The following CACNA1A variants were observed in gnomAD, a reference collection of about 807,000 sequenced individuals.
The protein encoded by CACNA1A is voltage-dependent P/Q-type calcium channel subunit alpha-1A.
A neutral mutation model predicts 262.4 loss-of-function variants in CACNA1A; 57 were observed. The observed-to-expected ratio is 0.22, with a 90% CI of 0.18 to 0.27. The LOEUF is 0.27. CACNA1A is among the 10% of genes least tolerant of loss of function. The pLI is 1.00. For missense variants in CACNA1A, 2,526 were observed against 3,562.8 expected, an observed-to-expected ratio of 0.71 and a Z score of 7.41; for synonymous variants, 1,431 against 1,419.3, an observed-to-expected ratio of 1.01 and a Z score of -0.18.
chr19:13,455,936 G>A (rs940575037), intron 1 of CACNA1A, among the ~76,000 whole-genome samples: 7 of 150,906 alleles, frequency 4.6e-5, no homozygotes, highest in African/African-American at 7.3e-5. Flanking sequence ...GATCACTTGC[G>A]GTCAGGACTT....
At chr19:13,358,672 G>A (rs2059049394) in intron 6 of CACNA1A, among the ~76,000 whole-genome samples, 1 of 152,132 alleles carries the variant, frequency 6.6e-6, no homozygotes, top group Non-Finnish European at 1.5e-5. Context: ...CATGCAAGTG[G>A]GGGCAGGGAT....
At chr19:13,267,773 T>C (rs1191770184) in intron 24 of CACNA1A, among the ~76,000 whole-genome samples, 2 of 151,676 alleles carry the variant, frequency 1.3e-5, no homozygotes, top group Non-Finnish European at 2.9e-5. Context: ...GGAGACCCTG[T>C]CTCTCTCCTT....
chr19:13,295,260 T>C (rs2057639525), intron 19 of CACNA1A, among the ~76,000 whole-genome samples: 1 of 152,176 alleles, frequency 6.6e-6, no homozygotes, highest in African/African-American at 2.4e-5. Context: ...AGAAAACTGT[T>C]GTAGAACTAC....
intron 1 of CACNA1A, among the ~76,000 whole-genome samples, chr19:13,476,212 G>C (rs1261858609): frequency 6.6e-6 from 1 of 152,170 alleles, no homozygotes; most frequent in Non-Finnish European, 1.5e-5. Flanking sequence ...TGATGTTCCA[G>C]AACAGATGGT....
chr19:13,497,121 C>T (rs1257222917), intron 1 of CACNA1A, among the ~76,000 whole-genome samples: 2 of 151,992 alleles, frequency 1.3e-5, no homozygotes, highest in Non-Finnish European at 2.9e-5. Flanking sequence ...ACCACAGGTT[C>T]TGACTCTCAG....
At position 13,208,827 on chromosome 19, in the gene CACNA1A, G is replaced by A. The variant is rs1415336869; in HGVS notation, c.6709C>T (p.Arg2237Trp). Residue 2237 changes from arginine to tryptophan, a missense_variant, in exon 46 of 47, where the codon CGG (arginine) becomes TGG (tryptophan). Physicochemically the swap from Arg to Trp is moderately radical, Grantham distance 101. Around this residue, in one of 17 missense-constraint regions of CACNA1A, gnomAD observed 929 missense variants for 868.1 expected, o/e 1.07. Coordinates refer to ENST00000360228, the MANE Select transcript of CACNA1A (RefSeq NM_001127222.2). Reference protein sequence around the residue: ...RYAQERPDHGRARARDQRWSR... With the variant: ...RYAQERPDHGWARARDQRWSR... ...CAGCGCTGGTCCCGAGCCCGTGCCC[G>A]GCCGTGGTCCGGCCGTTCCTGGGCA... The A allele has an allele frequency of 1.1e-5, 17 of 1,544,420 alleles. No individual in the cohort carries two copies. The highest frequency in any genetic ancestry group is 1.4e-5 in the Non-Finnish European group (16 of 1,152,266).
At chr19:13,491,253 C>T (rs999284894) in intron 1 of CACNA1A, among the ~76,000 whole-genome samples, 3 of 152,194 alleles carry the variant, frequency 2.0e-5, no homozygotes, top group Admixed American at 1.3e-4. Context: ...CTCTCTGAGT[C>T]TCAGTGTGCA....
Position 13,209,484 on chromosome 19 carries a change from G to A in CACNA1A, c.6354C>T (p.Thr2118=). The stretch of plus-strand genomic sequence containing the variant: ...CGGAGGCTGAACGCTTCATGGGGCT[G>A]GTGTCTGAGATGGTCTGGGGGAGGG... ...RGNNLSTISD[T]SPMKRSASVL... is the part of the protein sequence containing the mutation. The change falls in exon 45 of 47, where the codon ACC becomes ACT. Residue 2118 remains threonine (T), a synonymous_variant. Transcript: ENST00000360228. The A allele has an allele frequency of 7.5e-7, 1 of 1,332,018 alleles. No homozygotes were observed. The highest frequency in any genetic ancestry group is 9.7e-7 in the Non-Finnish European group (1 of 1,034,832). 82.5% of individuals were successfully genotyped at this position (1,332,018 alleles called of 1,614,324 possible).
chr19:13,466,646 T>C (rs2061245990), intron 1 of CACNA1A, among the ~76,000 whole-genome samples: 1 of 149,956 alleles, frequency 6.7e-6, no homozygotes, highest in African/African-American at 2.5e-5. Flanking sequence ...CATCCGAGAC[T>C]CTGTCTTTTA....
At chr19:13,250,184 C>T (rs1003563039) in intron 30 of CACNA1A, among the ~76,000 whole-genome samples, 1 of 151,154 alleles carries the variant, frequency 6.6e-6, no homozygotes, top group East Asian at 2.0e-4. Context: ...CTCAGCCTCA[C>T]GAGTAGCTGG....
At chr19:13,326,632 T>C (rs916107201) in intron 10 of CACNA1A, among the ~76,000 whole-genome samples, 5 of 151,550 alleles carry the variant, frequency 3.3e-5, no homozygotes, top group African/African-American at 1.2e-4. Context: ...GTAAAAAATA[T>C]AAAAAACTTA....
chr19:13,346,635 TA>T (rs2058772409), intron 6 of CACNA1A, among the ~76,000 whole-genome samples: 5 of 4,512 alleles, frequency 1.1e-3, no homozygotes, highest in Non-Finnish European at 1.5e-3. Context: ...TATATATATA[TA>T]TATATATATA....
chr19:13,296,766 ATTTTATTTTTTG>A (rs2057675153), intron 19 of CACNA1A, among the ~76,000 whole-genome samples: 1 of 151,862 alleles, frequency 6.6e-6, no homozygotes, highest in Admixed American at 6.6e-5. Context: ...TTTATTTTTT[ATTTTATTTTTTG>A]AGACAAAGCC....
chr19:13,322,372 T>C (rs1189141340), intron 10 of CACNA1A, among the ~76,000 whole-genome samples: 1 of 152,114 alleles, frequency 6.6e-6, no homozygotes, highest in Non-Finnish European at 1.5e-5. Flanking sequence ...TAAAACCTTC[T>C]GAGGGAACGT....
At chr19:13,380,153 G>A (rs2059492327) in intron 3 of CACNA1A, among the ~76,000 whole-genome samples, 2 of 128,350 alleles carry the variant, frequency 1.6e-5, no homozygotes, top group Non-Finnish European at 3.2e-5. Flanking sequence ...GCGTGGTGGC[G>A]GGTGTCTGTA....
intron 1 of CACNA1A, among the ~76,000 whole-genome samples, chr19:13,498,574 T>C (rs1201182724): frequency 6.6e-6 from 1 of 152,114 alleles, no homozygotes; most frequent in African/African-American, 2.4e-5. Flanking sequence ...GCTCCCAGTC[T>C]GAACGGCAGA....
chr19:13,412,113 A>C (rs2060121290), intron 3 of CACNA1A, among the ~76,000 whole-genome samples: 1 of 152,032 alleles, frequency 6.6e-6, no homozygotes, highest in Non-Finnish European at 1.5e-5. Context: ...CACCTCCATG[A>C]CCACAGCCCT....
rs192536793 is a variant in CACNA1A, at chr19:13,330,237, G to A, written c.1345+7C>T. On this transcript the variant is annotated splice_region_variant and intron_variant, in intron 10 of 46. Transcript: ENST00000360228. ...ACAACTGATAGGTGGCAGAGGAAGG[G>A]ACTCACCCACAGAGGCTATATCAGC... 3,679 of 1,543,492 alleles carry A rather than the reference G, an allele frequency of 2.4e-3. 9 individuals carry two copies. The highest frequency in any genetic ancestry group is 2.7e-3 in the Non-Finnish European group (3,101 of 1,138,484).
At chr19:13,228,313 G>A (rs1432490886) in intron 36 of CACNA1A, among the ~76,000 whole-genome samples, 1 of 151,778 alleles carries the variant, frequency 6.6e-6, no homozygotes. Flanking sequence ...AGGGGAGGAG[G>A]GCTAGGGGCT....
Sources: allele counts gnomAD v4.1 joint callset (sites outside exome capture counted in the v4.1 genomes callset), GRCh38; gene constraint gnomAD v4.1.1; regional missense constraint gnomAD v4.1.1; transcripts MANE v1.5; gene names NCBI Gene and HGNC (gene_info 2026-07-23, HGNC 2026-07-21).